The following KCNIP4 variants were observed in gnomAD, a reference collection of about 807,000 sequenced individuals.
KCNIP4 encodes Kv channel-interacting protein 4.
In KCNIP4, 12 loss-of-function variants were observed where a neutral mutation model predicts 34.0. The ratio of observed to expected loss-of-function variants is 0.35; its 90% CI spans 0.23 to 0.57. The LOEUF is 0.57. KCNIP4 is among the 20% of genes least tolerant of loss of function. The pLI is 0.83. For missense variants in KCNIP4, 238 were observed against 311.7 expected, an observed-to-expected ratio of 0.76 and a Z score of 1.78; for synonymous variants, 124 against 102.2, an observed-to-expected ratio of 1.21 and a Z score of -1.29.
Position 21,392,257 on chromosome 4 carries a change from C to T in KCNIP4, c.62-509548G>A, listed in dbSNP as rs189883452. 2.6e-5 allele frequency among the ~76,000 whole-genome samples: 4 copies of T among 152,288 alleles called. No individual in the cohort carries two copies. The East Asian group carries it at 7.7e-4, about 29-fold the overall frequency. On this transcript the variant is annotated intron_variant, in intron 1 of 8. Coordinates refer to ENST00000382152, the MANE Select transcript of KCNIP4 (RefSeq NM_025221.6). Reference sequence around the variant, plus strand: ...AAGGTGGAAGTGCACAATGAATACACAAAGCTATAAACTAAGTGATAATTT... The same window carrying T: ...AAGGTGGAAGTGCACAATGAATACATAAAGCTATAAACTAAGTGATAATTT...
chr4:21,761,123 G>C (rs1434767662), intron 1 of KCNIP4, among the ~76,000 whole-genome samples: 1 of 152,036 alleles, frequency 6.6e-6, no homozygotes, highest in Admixed American at 6.6e-5. Flanking sequence ...TTTTTTGAGA[G>C]ATGAGTCTCA....
chr4:21,342,329 C>T (rs925955254), intron 1 of KCNIP4, among the ~76,000 whole-genome samples: 29 of 152,206 alleles, frequency 1.9e-4, no homozygotes, highest in African/African-American at 5.1e-4. Flanking sequence ...AATAATTGAA[C>T]GTCTTGCATA....
chr4:21,494,332 A>C (rs1326367526), intron 1 of KCNIP4, among the ~76,000 whole-genome samples: 1 of 152,208 alleles, frequency 6.6e-6, no homozygotes, highest in Non-Finnish European at 1.5e-5. Flanking sequence ...TAAAATTTAT[A>C]ATTTTCTAAA....
chr4:20,964,530 TG>T (rs1297901619), intron 1 of KCNIP4, among the ~76,000 whole-genome samples: 3 of 151,568 alleles, frequency 2.0e-5, no homozygotes, highest in African/African-American at 7.3e-5. Context: ...GGGGGGGAGG[TG>T]GTAATTAACT....
intron 1 of KCNIP4, among the ~76,000 whole-genome samples, chr4:21,797,099 A>G (rs1003141718): frequency 2.6e-5 from 4 of 152,174 alleles, no homozygotes; most frequent in Non-Finnish European, 5.9e-5. Flanking sequence ...AACACTACCC[A>G]CAATTATAGA....
At chr4:20,861,995 T>TTA (rs1273068827) in intron 2 of KCNIP4, among the ~76,000 whole-genome samples, 1 of 149,470 alleles carries the variant, frequency 6.7e-6, no homozygotes, top group African/African-American at 2.5e-5. Context: ...ATTATTATTA[T>TTA]TATTATTATT....
chr4:21,036,528 A>G (rs1741458066), intron 1 of KCNIP4, among the ~76,000 whole-genome samples: 1 of 152,138 alleles, frequency 6.6e-6, no homozygotes, highest in South Asian at 2.1e-4. Context: ...CATAAAGAGT[A>G]CTCTATTTTG....
chr4:21,466,163 C>T (rs2109789993), intron 1 of KCNIP4, among the ~76,000 whole-genome samples: 1 of 152,296 alleles, frequency 6.6e-6, no homozygotes. Context: ...TTTGCTTCCT[C>T]CTTTTCCCAT....
chr4:21,267,511 G>C (rs1761887398), intron 1 of KCNIP4, among the ~76,000 whole-genome samples: 1 of 151,208 alleles, frequency 6.6e-6, no homozygotes, highest in Non-Finnish European at 1.5e-5. Context: ...TTATTATTTT[G>C]AGATACGTCC....
chr4:20,826,287 T>C (rs1003163896), intron 3 of KCNIP4, among the ~76,000 whole-genome samples: 4 of 152,114 alleles, frequency 2.6e-5, no homozygotes, highest in East Asian at 1.9e-4. Flanking sequence ...TAAGATACCA[T>C]AGAGACTCCG....
At chr4:21,720,003 A>AAAG (rs1206806624) in intron 1 of KCNIP4, among the ~76,000 whole-genome samples, 2 of 108,880 alleles carry the variant, frequency 1.8e-5, no homozygotes, top group Non-Finnish European at 3.6e-5. Flanking sequence ...AAGAAAAGAA[A>AAAG]AAGAAGAAGA....
chr4:21,740,707 C>T (rs1052918237), intron 1 of KCNIP4, among the ~76,000 whole-genome samples: 1 of 151,948 alleles, frequency 6.6e-6, no homozygotes, highest in Non-Finnish European at 1.5e-5. Context: ...ATTTTAATTC[C>T]ACCATTTATC....
chr4:21,850,406 T>A (rs550403711), intron 1 of KCNIP4: 1 of 151,964 alleles, frequency 6.6e-6, no homozygotes, highest in African/African-American at 2.4e-5. Flanking sequence ...AATTCCTGGG[T>A]TAATGGTTTA....
chr4:21,661,569 G>T (rs1469341184), intron 1 of KCNIP4, among the ~76,000 whole-genome samples: 2 of 152,140 alleles, frequency 1.3e-5, no homozygotes, highest in Non-Finnish European at 2.9e-5. Flanking sequence ...ATTTCAATTT[G>T]AATAGCAATC....
intron 1 of KCNIP4, among the ~76,000 whole-genome samples, chr4:21,842,868 T>A (rs900673959): frequency 1.3e-5 from 2 of 152,108 alleles, no homozygotes; most frequent in South Asian, 4.1e-4. Flanking sequence ...CTTAATTTCC[T>A]CATCTGTAAA....
At chr4:21,152,847 G>A (rs1483323753) in intron 1 of KCNIP4, among the ~76,000 whole-genome samples, 1 of 152,098 alleles carries the variant, frequency 6.6e-6, no homozygotes, top group African/African-American at 2.4e-5. Context: ...ATCTATGTTG[G>A]GTATTCCCTG....
chr4:21,589,264 A>ATATACATATAT (rs1221997723), intron 1 of KCNIP4, among the ~76,000 whole-genome samples: 3,159 of 130,352 alleles, frequency 0.024, 70 homozygotes, highest in South Asian at 0.062. Context: ...GTATCTATAC[A>ATATACATATAT]GATACATATA....
At chr4:21,500,496 A>T (rs1054315777) in intron 1 of KCNIP4, among the ~76,000 whole-genome samples, 1 of 152,194 alleles carries the variant, frequency 6.6e-6, no homozygotes, top group Non-Finnish European at 1.5e-5. Flanking sequence ...AATTAGACAA[A>T]GTATATAGAG....
chr4:21,948,213 G>C (rs532870463), intron 1 of KCNIP4, among the ~76,000 whole-genome samples: 1 of 152,218 alleles, frequency 6.6e-6, no homozygotes, highest in Non-Finnish European at 1.5e-5. Flanking sequence ...TAATCCCCAG[G>C]TGTTAGGGGA....
Sources: gnomAD v4.1 joint callset for allele counts (sites outside exome capture counted in the v4.1 genomes callset) on GRCh38, gnomAD v4.1.1 for gene constraint, MANE v1.5 for transcripts, NCBI Gene and HGNC (gene_info 2026-07-23, HGNC 2026-07-21) for gene names.